The following WDPCP variants were observed in gnomAD, a reference collection of about 807,000 sequenced individuals.
The protein encoded by WDPCP is WD repeat containing planar cell polarity effector, also known as WD repeat-containing and planar cell polarity effector protein fritz homolog.
In WDPCP, 71 loss-of-function variants were observed where a neutral mutation model predicts 93.1. That is an observed-to-expected ratio of 0.76 (90% CI 0.63 to 0.93). The LOEUF is 0.93. Among genes scored for constraint, WDPCP ranks in the 40% least tolerant of loss-of-function variants. The pLI, the probability that WDPCP is intolerant of heterozygous loss-of-function variation, is 0.00. For missense variants in WDPCP, 844 were observed against 887.4 expected, an observed-to-expected ratio of 0.95 and a Z score of 0.62; for synonymous variants, 315 against 315.0, an observed-to-expected ratio of 1.00 and a Z score of 0.00.
At chr2:63,593,640 G>A (rs200547412), upstream of WDPCP, 1 of 471,586 alleles carries the variant, frequency 2.1e-6, no homozygotes, top group Non-Finnish European at 4.4e-6. Context: ...TAGGGGTAAA[G>A]GTGACAGTGG....
At chr2:63,589,327 A>C, upstream of WDPCP, 1 of 1,550,654 alleles carries the variant, frequency 6.4e-7, no homozygotes, top group East Asian at 2.4e-5. Context: ...GGGAGGACAA[A>C]ATGCGACGCT....
intron 2 of WDPCP, among the ~76,000 whole-genome samples, chr2:63,794,931 T>A (rs1021546685): frequency 6.6e-6 from 1 of 152,200 alleles, no homozygotes; most frequent in Non-Finnish European, 1.5e-5. Flanking sequence ...CTAGACATTA[T>A]CATGTAGGAC....
At chr2:63,595,273 G>A (rs1255147362) in intron 3 of WDPCP, 4 of 676,870 alleles carry the variant, frequency 5.9e-6, no homozygotes, top group African/African-American at 5.3e-5. Context: ...GTGGCATAGT[G>A]CTAGATACCT....
intron 1 of WDPCP, among the ~76,000 whole-genome samples, chr2:63,505,944 T>C (rs945206620): frequency 6.6e-6 from 1 of 152,050 alleles, no homozygotes; most frequent in Admixed American, 6.6e-5. Flanking sequence ...CATCAGAGTA[T>C]GGCAAATAAA....
intron 1 of WDPCP, 49 bp downstream of exon 1, chr2:63,588,148 C>T (rs1709001219): frequency 6.5e-7 from 1 of 1,547,616 alleles, no homozygotes; most frequent in Non-Finnish European, 8.7e-7. Flanking sequence ...AACCGCATTC[C>T]GGATCCTAAG....
intron 13 of WDPCP, among the ~76,000 whole-genome samples, chr2:63,277,216 T>G (rs1342889639): frequency 6.0e-5 from 3 of 50,052 alleles, no homozygotes; most frequent in Non-Finnish European, 9.2e-5. Context: ...TGCCAAGAAC[T>G]GCTAAAAAAA....
At chr2:63,631,453 A>T (rs1463815924) in intron 3 of WDPCP, among the ~76,000 whole-genome samples, 4 of 152,126 alleles carry the variant, frequency 2.6e-5, no homozygotes, top group Non-Finnish European at 5.9e-5. Flanking sequence ...AAAAATAAAC[A>T]TAAAAGTGGA....
intron 2 of WDPCP, among the ~76,000 whole-genome samples, chr2:63,719,602 C>T (rs1669387524): frequency 6.6e-6 from 1 of 152,090 alleles, no homozygotes; most frequent in East Asian, 1.9e-4. Context: ...ATACAATTAA[C>T]AAGTTTGATT....
intron 2 of WDPCP, among the ~76,000 whole-genome samples, chr2:63,763,431 G>A (rs1045232062): frequency 6.6e-6 from 1 of 151,702 alleles, no homozygotes; most frequent in Non-Finnish European, 1.5e-5. Flanking sequence ...GAACCTGAAA[G>A]GCAGAGGTTG....
At chr2:63,141,050 T>C (rs1347661188) in intron 17 of WDPCP, among the ~76,000 whole-genome samples, 1 of 152,180 alleles carries the variant, frequency 6.6e-6, no homozygotes, top group Non-Finnish European at 1.5e-5. Flanking sequence ...CGAATGCTTT[T>C]TCTGCATCTA....
intron 9 of WDPCP, among the ~76,000 whole-genome samples, chr2:63,431,416 A>T (rs553938197): frequency 1.3e-5 from 2 of 152,190 alleles, no homozygotes; most frequent in South Asian, 4.1e-4. Context: ...AATGCTTTTT[A>T]AAAATTCTAT....
chr2:63,631,086 GC>G (rs1395744279), intron 3 of WDPCP, among the ~76,000 whole-genome samples: 5 of 152,104 alleles, frequency 3.3e-5, no homozygotes, highest in Admixed American at 3.3e-4. Context: ...TTCGACACCA[GC>G]CTGGCCAAAT....
rs993942462 is a variant in WDPCP at position 63,426,742 on chromosome 2, C to T, written c.825+7003G>A. On this transcript the variant is annotated intron_variant, in intron 9 of 17. Transcript: ENST00000272321. ...TAACTTTGAATGTAAATGGTCCTGA[C>T]ATCCCACTTAAAAGGCATGGAGTTG... 4.5e-4 allele frequency among the ~76,000 whole-genome samples: 68 copies of T among 152,194 alleles called. 1 individual carries two copies. Among genetic ancestry groups the T allele is most frequent in the African/African-American group, 1.4e-3 (59 of 41,454 alleles).
intron 1 of WDPCP, among the ~76,000 whole-genome samples, chr2:63,826,750 C>T (rs1035922537): frequency 6.6e-6 from 1 of 152,074 alleles, no homozygotes; most frequent in African/African-American, 2.4e-5. Context: ...CAAATAGCAT[C>T]CCTCTTCTAC....
intron 14 of WDPCP, among the ~76,000 whole-genome samples, chr2:63,238,915 T>C (rs972567180): frequency 9.2e-5 from 14 of 151,954 alleles, no homozygotes; most frequent in African/African-American, 3.4e-4. Context: ...AACAACCAAT[T>C]TGTAGAGTTT....
intron 2 of WDPCP, among the ~76,000 whole-genome samples, chr2:63,702,278 G>A (rs1416699981): frequency 2.0e-5 from 3 of 152,086 alleles, no homozygotes; most frequent in East Asian, 3.9e-4. Flanking sequence ...CGCCTGCTTC[G>A]GCCTCCCAAA....
At chr2:63,594,422 T>C in intron 3 of WDPCP, 1 of 1,184,984 alleles carries the variant, frequency 8.4e-7, no homozygotes, top group Non-Finnish European at 1.3e-6. Flanking sequence ...TACTATAGAT[T>C]AAAATCCTGG....
At chr2:63,813,849 C>T (rs948564753) in intron 1 of WDPCP, 4 of 152,154 alleles carry the variant, frequency 2.6e-5, no homozygotes, top group African/African-American at 9.7e-5. Context: ...GATACGTTTG[C>T]AGATAAATAT....
chr2:63,519,559 A>T (rs964208052), intron 1 of WDPCP, among the ~76,000 whole-genome samples: 1 of 152,154 alleles, frequency 6.6e-6, no homozygotes, highest in Non-Finnish European at 1.5e-5. Context: ...CCTAACCTCA[A>T]GGGGTGAGAG....
Sources: allele counts gnomAD v4.1 joint callset (sites outside exome capture counted in the v4.1 genomes callset), GRCh38; gene constraint gnomAD v4.1.1; transcripts MANE v1.5; gene names NCBI Gene and HGNC (gene_info 2026-07-23, HGNC 2026-07-21).